Variants in GPC3 observed in about 807,000 individuals in gnomAD.
The protein encoded by GPC3 is glypican-3.
Under a neutral mutation model 34.4 loss-of-function variants are expected in GPC3, and 3 were observed. That is an observed-to-expected ratio of 0.09 (90% CI 0.04 to 0.23). The LOEUF (loss-of-function observed/expected upper bound fraction) is 0.23. GPC3 is among the 10% of genes least tolerant of loss of function. The pLI, the probability that GPC3 is intolerant of heterozygous loss-of-function variation, is 1.00. For synonymous variants in GPC3, 177 were observed against 174.0 expected (o/e 1.02, Z -0.13); for missense variants, 351 against 445.6 (o/e 0.79, Z 1.91).
intron 2 of GPC3, among the ~76,000 whole-genome samples, chrX:133,807,484 A>G (rs1395874761): frequency 1.8e-5 from 2 of 112,098 alleles, no homozygotes; most frequent in Non-Finnish European, 3.8e-5. Flanking sequence ...GGGGAACAAA[A>G]TGGTATGAAC....
chrX:133,919,365 TTGTC>T (rs2076237708), intron 2 of GPC3, among the ~76,000 whole-genome samples: 1 of 112,274 alleles, frequency 8.9e-6, no homozygotes, highest in Admixed American at 9.4e-5. Flanking sequence ...TATAAAAACA[TTGTC>T]TGTGAATTTC....
chrX:133,914,964 TATATATATATATATATAA>T lies in GPC3; in HGVS notation c.337+38068_337+38085del, dbSNP rs199530861. ...CTGGAAATATATATATATATATATA[TATATATATATATATATAA>T]AGTTTTATATTCTTTTCTTTATAAA... On this transcript the variant is annotated intron_variant, in intron 2 of 7. Coordinates refer to ENST00000370818, the MANE Select transcript of GPC3 (RefSeq NM_004484.4). Among the ~76,000 whole-genome samples, 475 of 95,191 alleles carry T rather than the reference TATATATATATATATATAA, an allele frequency of 5.0e-3. 7 individuals are homozygous for T. Among genetic ancestry groups the T allele is most frequent in the African/African-American group, 0.018 (449 of 25,622 alleles). The allele number at this position is 95,191 out of a possible 115,157, so 82.7% of individuals were successfully genotyped here.
At chrX:133,742,885 G>A (rs189720239) in intron 3 of GPC3, among the ~76,000 whole-genome samples, 287 of 112,031 alleles carry the variant, frequency 2.6e-3, no homozygotes, top group African/African-American at 8.6e-3. Flanking sequence ...CATTCTGAGT[G>A]GAACGAAAAA....
chrX:133,699,749 T>C, intron 4 of GPC3, 146 bp downstream of exon 4: 2 of 446,749 alleles, frequency 4.5e-6, no homozygotes, highest in Non-Finnish European at 7.6e-6. Flanking sequence ...TTTTAAACAT[T>C]GACAGATGAT....
intron 6 of GPC3, among the ~76,000 whole-genome samples, chrX:133,608,123 CAA>C (rs2070069522): frequency 8.9e-6 from 1 of 112,424 alleles, no homozygotes; most frequent in African/African-American, 3.2e-5. Context: ...GGCCTAGGCC[CAA>C]AAAGCTTAGC....
intron 2 of GPC3, among the ~76,000 whole-genome samples, chrX:133,938,939 A>G (rs2076333583): frequency 8.9e-6 from 1 of 112,269 alleles, no homozygotes; most frequent in Admixed American, 9.5e-5. Flanking sequence ...AATGTACAAT[A>G]GAAGAAAATA....
At chrX:133,744,402 TATGAGAA>T (rs1202051049) in intron 3 of GPC3, among the ~76,000 whole-genome samples, 5 of 112,519 alleles carry the variant, frequency 4.4e-5, no homozygotes, top group Non-Finnish European at 7.5e-5. Context: ...CCAACAAACA[TATGAGAA>T]AAAGCTCATC....
At chrX:133,564,052 C>T (rs1018635804) in intron 7 of GPC3, among the ~76,000 whole-genome samples, 1 of 110,942 alleles carries the variant, frequency 9.0e-6, no homozygotes, top group Non-Finnish European at 1.9e-5. Context: ...TAGAGTGATA[C>T]GCCACTGTTA....
At chrX:133,836,749 C>A (rs973635419) in intron 2 of GPC3, among the ~76,000 whole-genome samples, 4 of 111,484 alleles carry the variant, frequency 3.6e-5, no homozygotes, top group Admixed American at 2.9e-4. Flanking sequence ...GGACAAAATT[C>A]TTCCAGGCAA....
At chrX:133,733,284 G>A (rs1268795401) in intron 3 of GPC3, among the ~76,000 whole-genome samples, 1 of 110,446 alleles carries the variant, frequency 9.1e-6, no homozygotes, top group Non-Finnish European at 1.9e-5. Context: ...TAGGGACTCA[G>A]AAGGGGGAGG....
intron 6 of GPC3, among the ~76,000 whole-genome samples, chrX:133,597,440 C>A (rs1452801049): frequency 1.8e-5 from 2 of 111,487 alleles, no homozygotes; most frequent in African/African-American, 3.3e-5. Flanking sequence ...TGGCTTCTTC[C>A]CCATCACCCA....
chrX:133,947,995 G>A (rs1241747157), intron 2 of GPC3, among the ~76,000 whole-genome samples: 1 of 110,935 alleles, frequency 9.0e-6, no homozygotes, highest in Non-Finnish European at 1.9e-5. Flanking sequence ...GTTAGAGTTG[G>A]GGATGCAATG....
intron 1 of GPC3, among the ~76,000 whole-genome samples, chrX:133,976,084 T>C (rs1602574805): frequency 8.9e-6 from 1 of 112,400 alleles, no homozygotes. Flanking sequence ...GGTAGCTCTA[T>C]GATATCAGTG....
intron 1 of GPC3, among the ~76,000 whole-genome samples, chrX:133,971,493 G>T (rs929484879): frequency 3.6e-5 from 4 of 111,863 alleles, no homozygotes; most frequent in Non-Finnish European, 5.6e-5. Flanking sequence ...GAAGAGAGAG[G>T]AGAGATGGAA....
intron 6 of GPC3, among the ~76,000 whole-genome samples, chrX:133,641,437 C>A (rs2070480216): frequency 9.1e-6 from 1 of 109,541 alleles, no homozygotes; most frequent in African/African-American, 3.3e-5. Flanking sequence ...GATGGTGCCA[C>A]TGCACTCCAG....
chrX:133,758,696 A>G (rs1395363857), intron 2 of GPC3, among the ~76,000 whole-genome samples: 4 of 111,396 alleles, frequency 3.6e-5, no homozygotes, highest in African/African-American at 1.3e-4. Context: ...GTACCCTGAA[A>G]CTTAAAATAA....
intron 2 of GPC3, among the ~76,000 whole-genome samples, chrX:133,948,114 T>G (rs1023169492): frequency 2.7e-5 from 3 of 110,761 alleles, no homozygotes; most frequent in African/African-American, 9.9e-5. Context: ...AAACCCCCAC[T>G]ACATAATAAA....
intron 3 of GPC3, chrX:133,704,189 C>T (rs987040531): frequency 8.9e-6 from 9 of 1,015,167 alleles, no homozygotes; most frequent in Middle Eastern, 5.2e-4. Context: ...GACCTGGTCC[C>T]ATAGCTTCAC....
intron 5 of GPC3, among the ~76,000 whole-genome samples, chrX:133,677,683 A>T (rs1410818696): frequency 8.9e-6 from 1 of 111,926 alleles, no homozygotes; most frequent in Non-Finnish European, 1.9e-5. Flanking sequence ...ATGGAGAGCT[A>T]GCCTCAGAGG....
Sources: gnomAD v4.1 joint callset for allele counts (sites outside exome capture counted in the v4.1 genomes callset) on GRCh38, gnomAD v4.1.1 for gene constraint, MANE v1.5 for transcripts, NCBI Gene and HGNC (gene_info 2026-07-23, HGNC 2026-07-21) for gene names.